The following HSF2BP variants were observed in gnomAD, a reference collection of about 807,000 sequenced individuals.
HSF2BP encodes the protein heat shock transcription factor 2 binding protein.
A neutral mutation model predicts 35.0 loss-of-function variants in HSF2BP; 35 were observed. The observed-to-expected ratio is 1.00, with a 90% CI of 0.76 to 1.32. The LOEUF (loss-of-function observed/expected upper bound fraction) is 1.32, where lower values mean the gene tolerates loss of function less well. HSF2BP is among the 40% of genes most tolerant of loss of function. The probability of loss-of-function intolerance (pLI) is 0.00; values close to 1 mark genes in which losing one functional copy is unlikely to be tolerated. For missense variants in HSF2BP, 326 were observed against 321.7 expected, an observed-to-expected ratio of 1.01 and a Z score of -0.10; for synonymous variants, 114 against 117.4, an observed-to-expected ratio of 0.97 and a Z score of 0.18.
At chr21:43,586,330 CAGGGATG>C (rs1050589315) in intron 8 of HSF2BP, among the ~76,000 whole-genome samples, 34 of 152,218 alleles carry the variant, frequency 2.2e-4, no homozygotes, top group African/African-American at 7.9e-4. Context: ...ATGATTTAGT[CAGGGATG>C]ATTAATAGCA....
At chr21:43,602,306 C>T (rs985766967) in intron 7 of HSF2BP, among the ~76,000 whole-genome samples, 19 of 152,260 alleles carry the variant, frequency 1.2e-4, no homozygotes, top group African/African-American at 4.6e-4. Context: ...GCAATCTGCA[C>T]TGTGACTATT....
At chr21:43,625,949 C>T (rs1435986210) in intron 6 of HSF2BP, among the ~76,000 whole-genome samples, 1 of 152,186 alleles carries the variant, frequency 6.6e-6, no homozygotes, top group Admixed American at 6.5e-5. Flanking sequence ...AGCAACATGA[C>T]AAGTCACATA....
At chr21:43,582,112 G>A (rs2005295) in intron 8 of HSF2BP, among the ~76,000 whole-genome samples, 2,142 of 65,888 alleles carry the variant, frequency 0.033, no homozygotes, top group East Asian at 0.098. Flanking sequence ...CTGCTGTGGG[G>A]AATGAGGCCC....
At chr21:43,641,881 A>G (rs1034971325) in intron 4 of HSF2BP, among the ~76,000 whole-genome samples, 2 of 146,184 alleles carry the variant, frequency 1.4e-5, no homozygotes, top group African/African-American at 5.1e-5. Context: ...GTGCCACTGC[A>G]CTCCAGCCTG....
At position 43,644,391 on chromosome 21, in the gene HSF2BP, G is replaced by A. The variant is rs983756200; in HGVS notation, c.189C>T (p.Asn63=). The change falls in exon 4 of 9, where the codon AAC becomes AAT. Residue 63 remains asparagine (N), a splice_region_variant and synonymous_variant. Transcript: ENST00000291560. ...SFQKLKIVEK[N]LERKEQELEQ... ...CTAATTCTTGCTCTTTCCTTTCCAG[G>A]TCTAGGAGAAAGACATAAAATTACT... is the stretch of plus-strand genomic sequence containing the variant. 9 of 1,610,962 alleles carry A rather than the reference G, an allele frequency of 5.6e-6. No individual in the cohort carries two copies. Among genetic ancestry groups the A allele is most frequent in the Middle Eastern group, 1.7e-4 (1 of 6,056 alleles).
chr21:43,621,909 T>C (rs2329442), intron 6 of HSF2BP, among the ~76,000 whole-genome samples: 102,884 of 152,032 alleles, frequency 0.68, 35,211 homozygotes, highest in East Asian at 0.79. Context: ...GTGCAATCCA[T>C]GCAAAACTCT....
chr21:43,642,185 A>T (rs1018730291), intron 4 of HSF2BP, among the ~76,000 whole-genome samples: 2 of 152,082 alleles, frequency 1.3e-5, no homozygotes, highest in African/African-American at 4.8e-5. Flanking sequence ...TTGTTCTTGT[A>T]AAAAATAAAA....
chr21:43,625,847 G>A (rs185480029), intron 6 of HSF2BP, among the ~76,000 whole-genome samples: 4 of 152,172 alleles, frequency 2.6e-5, no homozygotes, highest in Non-Finnish European at 4.4e-5. Flanking sequence ...GCCGCGCTGA[G>A]CTTGAATGCT....
chr21:43,590,632 A>G (rs981591941), intron 8 of HSF2BP, among the ~76,000 whole-genome samples: 1 of 152,258 alleles, frequency 6.6e-6, no homozygotes, highest in South Asian at 2.1e-4. Flanking sequence ...ACAACATGGA[A>G]TATTTAGCAA....
chr21:43,621,475 C>T (rs1159761001), intron 6 of HSF2BP, among the ~76,000 whole-genome samples: 1 of 151,416 alleles, frequency 6.6e-6, no homozygotes, highest in Non-Finnish European at 1.5e-5. Flanking sequence ...TGCAGTGAGC[C>T]GAGACTGTGC....
intron 7 of HSF2BP, among the ~76,000 whole-genome samples, chr21:43,593,041 A>G (rs1215727865): frequency 6.6e-6 from 1 of 152,224 alleles, no homozygotes; most frequent in Non-Finnish European, 1.5e-5. Flanking sequence ...GAAATAATGA[A>G]TGAATTTGCA....
At chr21:43,616,195 G>A (rs997195691) in intron 6 of HSF2BP, among the ~76,000 whole-genome samples, 5 of 152,128 alleles carry the variant, frequency 3.3e-5, no homozygotes, top group African/African-American at 9.7e-5. Context: ...CAAGTAGAAC[G>A]CAGCAGAATG....
At chr21:43,571,650 T>A (rs2081578878) in intron 8 of HSF2BP, among the ~76,000 whole-genome samples, 1 of 29,632 alleles carries the variant, frequency 3.4e-5, no homozygotes, top group Admixed American at 3.6e-4. Context: ...GAAGATGGAA[T>A]CAATTCTGCT....
intron 8 of HSF2BP, among the ~76,000 whole-genome samples, chr21:43,584,760 C>T (rs1048065832): frequency 6.6e-6 from 1 of 152,132 alleles, no homozygotes; most frequent in Non-Finnish European, 1.5e-5. Context: ...TCGGATTAAG[C>T]GAGTATCTTC....
intron 7 of HSF2BP, among the ~76,000 whole-genome samples, chr21:43,609,157 T>C (rs150266401): frequency 5.9e-5 from 9 of 152,332 alleles, no homozygotes; most frequent in African/African-American, 2.2e-4. Context: ...CCTCCACTTA[T>C]CTTAAGTGAA....
intron 8 of HSF2BP, among the ~76,000 whole-genome samples, chr21:43,586,664 C>G (rs2081854959): frequency 6.6e-6 from 1 of 152,070 alleles, no homozygotes; most frequent in African/African-American, 2.4e-5. Context: ...AGTTCACAAG[C>G]AGGAAAGCTG....
chr21:43,604,428 ACAC>A (rs2082094391), intron 7 of HSF2BP, among the ~76,000 whole-genome samples: 1 of 129,696 alleles, frequency 7.7e-6, no homozygotes, highest in African/African-American at 3.1e-5. Flanking sequence ...CCCACACACC[ACAC>A]CACACACACA....
chr21:43,649,967 C>A (rs2082760863), intron 3 of HSF2BP, among the ~76,000 whole-genome samples: 2 of 152,158 alleles, frequency 1.3e-5, no homozygotes, highest in African/African-American at 2.4e-5. Flanking sequence ...ATCTGCAACT[C>A]CTTATCTGTG....
chr21:43,572,668 C>T (rs932386370), intron 8 of HSF2BP, among the ~76,000 whole-genome samples: 19 of 152,238 alleles, frequency 1.2e-4, no homozygotes, highest in Non-Finnish European at 2.4e-4. Flanking sequence ...GAGCTCTCTC[C>T]TCTCTGTTGG....
Sources: allele counts gnomAD v4.1 joint callset (sites outside exome capture counted in the v4.1 genomes callset), GRCh38; gene constraint gnomAD v4.1.1; transcripts MANE v1.5; gene names NCBI Gene and HGNC (gene_info 2026-07-23, HGNC 2026-07-21).